GALK1: variants seen among roughly 807,000 people sequenced by gnomAD.
GALK1 encodes galactokinase.
In GALK1, 30 loss-of-function variants were observed where a neutral mutation model predicts 38.6. The observed-to-expected ratio is 0.78, with a 90% confidence interval of 0.58 to 1.05. GALK1 has a LOEUF of 1.05. GALK1 is among the 50% of genes least tolerant of loss of function. GALK1 has a pLI of 0.00. For synonymous variants in GALK1, 240 were observed against 233.6 expected, an observed-to-expected ratio of 1.03 and a Z score of -0.25; for missense variants, 512 against 540.5, an observed-to-expected ratio of 0.95 and a Z score of 0.52.
At chr17:75,761,775 T>C (rs1242356914) in intron 5 of GALK1, among the ~76,000 whole-genome samples, 2 of 149,950 alleles carry the variant, frequency 1.3e-5, no homozygotes, top group East Asian at 3.9e-4. Context: ...CCCAGCACTT[T>C]GGAAGGCTGA....
chr17:75,756,524 GC>G (rs1304588947), downstream of GALK1: 8 of 1,613,172 alleles, frequency 5.0e-6, no homozygotes, highest in African/African-American at 1.3e-5. Context: ...CCGCGTGCGG[GC>G]CCAGAGCCAG....
chr17:75,757,554 G>C (rs1473254409), downstream of GALK1: 2 of 1,613,346 alleles, frequency 1.2e-6, no homozygotes, highest in East Asian at 4.5e-5. Flanking sequence ...TTCCAAACTT[G>C]ACCGCACCCT....
intron 5 of GALK1, among the ~76,000 whole-genome samples, chr17:75,761,177 G>A (rs997443581): frequency 2.0e-5 from 3 of 152,018 alleles, no homozygotes; most frequent in African/African-American, 7.3e-5. Context: ...ACTGCAGCCT[G>A]GGTGACAGAG....
chr17:75,752,486 C>T lies in GALK1; in HGVS notation c.*23-749G>A, dbSNP rs770528292. ...ACATCCCTATCGTGGACGCCCAGAG[C>T]GGGGAGGACTACGACAGCTTCCTTA... On this transcript the variant is annotated intron_variant, in intron 8 of 8. Coordinates refer to the GALK1 transcript ENST00000225614. The T allele has an allele frequency of 9.3e-6, 15 of 1,613,524 alleles. No individual in the cohort carries two copies. In the South Asian group the frequency reaches 1.1e-4, roughly 12 times the overall value.
rs1487175886 is a variant in GALK1 at position 75,762,843 on chromosome 17, C to T, written c.654G>A (p.Leu218=). The change falls in exon 5 of 8, where the codon CTG becomes CTA. Residue 218 remains leucine, a synonymous_variant. Coordinates refer to ENST00000588479, the MANE Select transcript of GALK1 (RefSeq NM_000154.2). ...TSLVPLSDPK[L]AVLITNSNVR... is the part of the protein sequence containing the mutation. The stretch of plus-strand genomic sequence containing the variant: ...CATTAGAGTTGGTGATGAGCACGGC[C>T]AGCTTGGGGTCCGAGAGTGGCACCA... The T allele has an allele frequency of 2.5e-6, 4 of 1,613,514 alleles. No individual in the cohort carries two copies. Among genetic ancestry groups the T allele is most frequent in the Non-Finnish European group, 3.4e-6 (4 of 1,179,914 alleles).
At chr17:75,753,823 G>A (rs761289942), downstream of GALK1, 4 of 1,461,952 alleles carry the variant, frequency 2.7e-6, no homozygotes, top group Admixed American at 4.4e-5. Flanking sequence ...GGCGCGTCAC[G>A]TGGCGGCTGC....
At chr17:75,764,177 C>T (rs1476707931) in intron 1 of GALK1, 91 bp from the exon 2 acceptor site, 2 of 1,161,160 alleles carry the variant, frequency 1.7e-6, no homozygotes, top group African/African-American at 3.0e-5. Flanking sequence ...TCTGATGCCT[C>T]CACAGTCATC....
downstream of GALK1, chr17:75,754,488 G>A: frequency 6.4e-7 from 1 of 1,560,058 alleles, no homozygotes; most frequent in Non-Finnish European, 8.8e-7. Context: ...CAGAGGGTGG[G>A]TGACCAGGAA....
downstream of GALK1, among the ~76,000 whole-genome samples, chr17:75,756,094 C>T (rs893148041): frequency 1.3e-5 from 2 of 152,220 alleles, no homozygotes; most frequent in South Asian, 2.1e-4. Flanking sequence ...TTTTGCCTAA[C>T]AAGGCCCCTT....
At chr17:75,754,578 C>T (rs368089324), downstream of GALK1, 46 of 1,613,550 alleles carry the variant, frequency 2.9e-5, no homozygotes, top group Non-Finnish European at 3.6e-5. Flanking sequence ...CCCTGCAGAG[C>T]ACCTGGTGAA....
chr17:75,759,392 C>T (rs1008477897), intron 5 of GALK1, among the ~76,000 whole-genome samples: 1 of 150,198 alleles, frequency 6.7e-6, no homozygotes, highest in Non-Finnish European at 1.5e-5. Flanking sequence ...CATGCCACTG[C>T]ACTTCAGCCT....
Position 75,763,442 on chromosome 17 carries a change from G to A in GALK1, c.356-3C>T. On this transcript the variant is annotated splice_region_variant and splice_polypyrimidine_tract_variant and intron_variant, in intron 2 of 7. Coordinates refer to ENST00000588479, the MANE Select transcript of GALK1 (RefSeq NM_000154.2). ...ACTGAAGCCAGGGAGGGGGGCAGCT[G>A]CAGGGGAAAGAACAGGTGATGGTAA... The A allele has an allele frequency of 6.3e-7, 1 of 1,589,486 alleles. No homozygotes were observed. The highest frequency in any genetic ancestry group is 8.6e-7 in the Non-Finnish European group (1 of 1,168,424).
At chr17:75,764,718 G>A in intron 1 of GALK1, 3 of 617,542 alleles carry the variant, frequency 4.9e-6, no homozygotes, top group Non-Finnish European at 8.7e-6. Flanking sequence ...AAGGCGAGGA[G>A]CCCCAGCCCC....
downstream of GALK1, chr17:75,756,711 C>G (rs1436280617): frequency 6.2e-7 from 1 of 1,613,498 alleles, no homozygotes; most frequent in South Asian, 1.1e-5. Context: ...CAGGCTCCGC[C>G]TTCACTTTGA....
At chr17:75,756,747 G>C, downstream of GALK1, 1 of 1,613,058 alleles carries the variant, frequency 6.2e-7, no homozygotes, top group Non-Finnish European at 8.5e-7. Flanking sequence ...CAGGCCCGCT[G>C]GTGTTCACTG....
At chr17:75,757,214 C>A (rs1344690895), downstream of GALK1, 4 of 1,612,280 alleles carry the variant, frequency 2.5e-6, no homozygotes, top group South Asian at 4.4e-5. Context: ...CTTCCCGCAG[C>A]TGGGCAGCCG....
At chr17:75,757,269 T>C (rs1461112254), downstream of GALK1, 2 of 1,611,106 alleles carry the variant, frequency 1.2e-6, no homozygotes, top group Admixed American at 1.7e-5. Flanking sequence ...TACAGCAGCA[T>C]CACCACCACC....
downstream of GALK1, chr17:75,753,733 C>A: frequency 2.2e-6 from 3 of 1,353,168 alleles, no homozygotes; most frequent in South Asian, 3.8e-5. Flanking sequence ...CGCCCCCCGG[C>A]GGTGCCAACG....
Position 75,758,579 on chromosome 17 carries a change from T to C in GALK1, c.814A>G (p.Lys272Glu), listed in dbSNP as rs558638718. 3.3e-5 allele frequency: 53 copies of C among 1,596,694 alleles called. No homozygotes were observed. Among genetic ancestry groups the C allele is most frequent in the Non-Finnish European group, 4.3e-5 (51 of 1,177,950 alleles). The part of the protein sequence containing the change: ...ELEAARDLVS[K>E]EGFRRARHVV... ...TGCCGGGCCCGCCGGAAGCCCTCTT[T>C]GCTCACCAGGTCCCTGGCAGCTGGG... is the stretch of plus-strand genomic sequence containing the variant. Residue 272 changes from lysine to glutamate, a missense_variant, in exon 6 of 8, where the codon AAA (lysine) becomes GAA (glutamate). Physicochemically the swap from Lys to Glu is moderately conservative, Grantham distance 56. Coordinates refer to ENST00000588479, the MANE Select transcript of GALK1 (RefSeq NM_000154.2).
Sources: allele counts gnomAD v4.1 joint callset (sites outside exome capture counted in the v4.1 genomes callset), GRCh38; gene constraint gnomAD v4.1.1; transcripts MANE v1.5; gene names NCBI Gene and HGNC (gene_info 2026-07-23, HGNC 2026-07-21).